Variants in MYO18A observed in about 807,000 individuals in gnomAD.
The protein encoded by MYO18A is myosin XVIIIA.
Under a neutral mutation model 235.8 loss-of-function variants are expected in MYO18A, and 78 were observed. The ratio of observed to expected loss-of-function variants is 0.33; its 90% CI spans 0.28 to 0.40. The LOEUF is 0.40. Ranked by LOEUF, MYO18A falls within the 10% of genes least tolerant of loss-of-function variation. The probability of loss-of-function intolerance (pLI) is 1.00; values close to 1 mark genes in which losing one functional copy is unlikely to be tolerated. For synonymous variants in MYO18A, 977 were observed against 1,077.8 expected (o/e 0.91, Z 1.83); for missense variants, 2,215 against 2,699.3 (o/e 0.82, Z 3.98).
At chr17:29,108,065 A>G (rs1478776775) in intron 19 of MYO18A, among the ~76,000 whole-genome samples, 3 of 151,982 alleles carry the variant, frequency 2.0e-5, no homozygotes, top group African/African-American at 7.2e-5. Context: ...ACCTTTAAAC[A>G]GCGGCCCTCG....
At position 29,165,944 on chromosome 17, in the gene MYO18A, C is replaced by T. The variant is rs758560780; in HGVS notation, c.997G>A (p.Asp333Asn). The change falls in exon 2 of 42, where the codon GAT (aspartate) becomes AAT (asparagine). Residue 333 changes from aspartate to asparagine, a missense_variant and splice_region_variant. Physicochemically the swap from Asp to Asn is conservative, Grantham distance 23 (BLOSUM62 1). Transcript: ENST00000527372. ...SGEGPRREPSDAKTEEQIAAE... is the reference protein window; with the variant it reads ...SGEGPRREPSNAKTEEQIAAE... ...CAGGTGCCCAGGGAAGCACTCACAT[C>T]GGATGGCTCCCTGCGAGGTCCCTCG... is the stretch of plus-strand genomic sequence containing the variant. 4.3e-6 allele frequency: 7 copies of T among 1,610,820 alleles called. No individual in the cohort carries two copies. Among genetic ancestry groups the T allele is most frequent in the East Asian group, 2.2e-5 (1 of 44,846 alleles).
rs1266662846 is a variant in MYO18A at position 29,106,132 on chromosome 17, A to G, written c.3441+948T>C. ...GCAGGCACGAGGCTGTGGTCAGAGA[A>G]GGCCATGCTGGGATTTATGATTTTG... On this transcript the variant is annotated intron_variant, in intron 20 of 41. Coordinates refer to ENST00000527372, the MANE Select transcript of MYO18A (RefSeq NM_078471.4). The surrounding 1 kb of genome is among the most constrained non-coding windows in gnomAD (Gnocchi z 4.6). 1.3e-5 allele frequency among the ~76,000 whole-genome samples: 2 copies of G among 152,174 alleles called. No homozygotes were observed. The highest frequency in any genetic ancestry group is 2.9e-5 in the Non-Finnish European group (2 of 68,026).
chr17:29,102,636 G>C (rs539191523), intron 21 of MYO18A, among the ~76,000 whole-genome samples: 7 of 152,326 alleles, frequency 4.6e-5, no homozygotes, highest in Non-Finnish European at 8.8e-5. Flanking sequence ...AGCAGGGACT[G>C]CTGGGGCCAA....
At chr17:29,102,323 C>T (rs1017224624) in intron 21 of MYO18A, among the ~76,000 whole-genome samples, 1 of 152,214 alleles carries the variant, frequency 6.6e-6, no homozygotes, top group African/African-American at 2.4e-5. Context: ...AGCAGCAGCT[C>T]AGCCTGCTTG....
intron 2 of MYO18A, chr17:29,133,860 T>G: frequency 7.8e-7 from 1 of 1,289,256 alleles, no homozygotes; most frequent in Non-Finnish European, 1.0e-6. Flanking sequence ...ACCTGTGCCC[T>G]GGGTCAGAGA....
chr17:29,086,921 GA>G lies in MYO18A; in HGVS notation c.5712+14del, dbSNP rs1568042485. 6.2e-7 allele frequency: 1 copy of G among 1,607,534 alleles called. No individual in the cohort carries two copies. The highest frequency in any genetic ancestry group is 8.5e-7 in the Non-Finnish European group (1 of 1,176,522). ...GGGCTGCCATGTGGGCCCCGTGGGG[GA>G]CAGGGGGCATTACCAGTTCGTGCTT... On this transcript the variant is annotated intron_variant, in intron 38 of 41. Transcript: ENST00000527372.
chr17:29,141,583 A>G (rs1848838907), intron 2 of MYO18A, among the ~76,000 whole-genome samples: 1 of 152,148 alleles, frequency 6.6e-6, no homozygotes, highest in Admixed American at 6.5e-5. Flanking sequence ...TTCTCCATGA[A>G]AAGATTGGTA....
intron 2 of MYO18A, among the ~76,000 whole-genome samples, chr17:29,159,786 G>C (rs1041172190): frequency 3.3e-5 from 5 of 152,212 alleles, no homozygotes; most frequent in African/African-American, 1.2e-4. Flanking sequence ...CAGGGGTCTA[G>C]GGCTTCCCCT....
chr17:29,084,965 A>G (rs1422266929), intron 40 of MYO18A, among the ~76,000 whole-genome samples: 1 of 152,066 alleles, frequency 6.6e-6, no homozygotes, highest in Non-Finnish European at 1.5e-5. Context: ...CAGTACCAGC[A>G]CAAGCGCCCG....
chr17:29,074,712 G>A lies in MYO18A; in HGVS notation c.*58C>T. Reference sequence around the variant, plus strand: ...ACCGGTGCCCCACCACTTCCTGGGAGAGGTGCCCAGGCAGCCACAGGCCCT... The same window carrying A: ...ACCGGTGCCCCACCACTTCCTGGGAAAGGTGCCCAGGCAGCCACAGGCCCT... On this transcript the variant is annotated 3_prime_UTR_variant, in exon 42 of 42. Coordinates refer to ENST00000527372, the MANE Select transcript of MYO18A (RefSeq NM_078471.4). The surrounding 1 kb of genome is among the most constrained non-coding windows in gnomAD (Gnocchi z 4.4). The A allele has an allele frequency of 1.3e-6, 2 of 1,582,550 alleles. No individual in the cohort carries two copies. The highest frequency in any genetic ancestry group is 1.7e-6 in the Non-Finnish European group (2 of 1,153,086).
intron 19 of MYO18A, among the ~76,000 whole-genome samples, chr17:29,108,308 G>T (rs1183641009): frequency 6.6e-6 from 1 of 152,106 alleles, no homozygotes; most frequent in African/African-American, 2.4e-5. Context: ...CAGGTCAGGG[G>T]AGGTGTGACC....
At chr17:29,099,894 C>A in intron 21 of MYO18A, 132 bp from the exon 22 acceptor site, 1 of 1,285,428 alleles carries the variant, frequency 7.8e-7, no homozygotes, top group Non-Finnish European at 1.0e-6. Context: ...GCCTCAAAAT[C>A]CAATTGTCCA....
Position 29,128,505 on chromosome 17 carries a change from T to A in MYO18A, c.1000-6252A>T, listed in dbSNP as rs963109078. 1.5e-5 allele frequency: 19 copies of A among 1,281,466 alleles called. No individual in the cohort carries two copies. In the African/African-American group the frequency reaches 2.6e-4, roughly 18 times the overall value. The allele number at this position is 1,281,466 out of a possible 1,614,324, so 79.4% of individuals were successfully genotyped here. ...ATCGGGCTGGTGGGAGGCTGAGGAC[T>A]CCTAGATGGGCCACTGCCTTCCTTT... On this transcript the variant is annotated intron_variant, in intron 2 of 41. Coordinates refer to ENST00000527372, the MANE Select transcript of MYO18A (RefSeq NM_078471.4).
chr17:29,128,924 C>A, intron 2 of MYO18A: 1 of 762,060 alleles, frequency 1.3e-6, no homozygotes, highest in Non-Finnish European at 2.0e-6. Context: ...GGTGAGCCCA[C>A]TGCCTCGCAG....
chr17:29,154,121 T>TGTGTGTGTGCGC (rs142430455), intron 2 of MYO18A, among the ~76,000 whole-genome samples: 6 of 149,000 alleles, frequency 4.0e-5, no homozygotes, highest in African/African-American at 1.5e-4. Flanking sequence ...TGTGTGTGTG[T>TGTGTGTGTGCGC]GCGCGCGCGT....
intron 8 of MYO18A, 55 bp downstream of exon 8, chr17:29,119,280 C>T: frequency 7.2e-7 from 1 of 1,382,042 alleles, no homozygotes; most frequent in South Asian, 1.3e-5. Flanking sequence ...GTCCAGGAGC[C>T]CAGTCAGTGG....
chr17:29,154,064 T>G (rs1005453279), intron 2 of MYO18A, among the ~76,000 whole-genome samples: 2 of 151,248 alleles, frequency 1.3e-5, no homozygotes, highest in East Asian at 2.0e-4. Context: ...ATTGGAGGGG[T>G]CTGGGAGAAA....
intron 2 of MYO18A, among the ~76,000 whole-genome samples, chr17:29,150,175 G>A (rs1260286169): frequency 6.6e-6 from 1 of 152,222 alleles, no homozygotes; most frequent in Non-Finnish European, 1.5e-5. Context: ...TTGAGAATCT[G>A]TGTGTTCACC....
At chr17:29,130,299 C>CAAAAAAAAAAAAAAAAA (rs564370108) in intron 2 of MYO18A, among the ~76,000 whole-genome samples, 6 of 55,914 alleles carry the variant, frequency 1.1e-4, no homozygotes, top group Non-Finnish European at 1.5e-4. Context: ...AACCCTGTCT[C>CAAAAAAAAAAAAAAAAA]AAAAAAAAAA....
Sources: allele counts gnomAD v4.1 joint callset (sites outside exome capture counted in the v4.1 genomes callset), GRCh38; gene constraint gnomAD v4.1.1; non-coding constraint Gnocchi (gnomAD v3.1); transcripts MANE v1.5; gene names NCBI Gene and HGNC (gene_info 2026-07-23, HGNC 2026-07-21).